Variants in DTL observed in about 807,000 individuals in gnomAD.
The protein encoded by DTL is denticleless E3 ubiquitin protein ligase adapter, also known as denticleless protein homolog.
A neutral mutation model predicts 87.0 loss-of-function variants in DTL; 46 were observed. The observed-to-expected ratio is 0.53, with a 90% confidence interval of 0.42 to 0.68. The LOEUF is 0.68. DTL is among the 30% of genes least tolerant of loss of function. The probability of loss-of-function intolerance (pLI) is 0.00; values close to 1 mark genes in which losing one functional copy is unlikely to be tolerated. For synonymous variants in DTL, 308 were observed against 311.2 expected, an observed-to-expected ratio of 0.99 and a Z score of 0.11; for missense variants, 737 against 869.4, an observed-to-expected ratio of 0.85 and a Z score of 1.91.
At chr1:212,047,815 C>T (rs183104899) in intron 5 of DTL, among the ~76,000 whole-genome samples, 17 of 152,312 alleles carry the variant, frequency 1.1e-4, no homozygotes, top group Admixed American at 2.6e-4. Context: ...GGATCACAGG[C>T]GTGAGCCGCT....
At chr1:212,037,289 AAT>A (rs1437954238) in intron 1 of DTL, among the ~76,000 whole-genome samples, 2 of 152,192 alleles carry the variant, frequency 1.3e-5, no homozygotes, top group African/African-American at 2.4e-5. Flanking sequence ...GTTGTTACAT[AAT>A]AGTCACTGAA....
chr1:212,059,469 C>T (rs944403166), intron 5 of DTL, among the ~76,000 whole-genome samples: 9 of 151,372 alleles, frequency 5.9e-5, no homozygotes, highest in African/African-American at 2.2e-4. Flanking sequence ...TAAAATTCAG[C>T]ATCTCCTCCG....
chr1:212,038,979 T>C (rs1417470347), intron 1 of DTL, among the ~76,000 whole-genome samples: 3 of 152,200 alleles, frequency 2.0e-5, no homozygotes, highest in Non-Finnish European at 4.4e-5. Flanking sequence ...CTGCTGGACA[T>C]TCCATATAGC....
At chr1:212,056,466 A>G (rs1207236109) in intron 5 of DTL, among the ~76,000 whole-genome samples, 1 of 152,232 alleles carries the variant, frequency 6.6e-6, no homozygotes, top group Admixed American at 6.5e-5. Context: ...CTCTCCAACC[A>G]TCACCATAGA....
At position 212,065,032 on chromosome 1, in the gene DTL, A is replaced by G; in HGVS notation, c.639+3A>G. On this transcript the variant is annotated splice_donor_region_variant and intron_variant, in intron 7 of 14. Coordinates refer to ENST00000366991, the MANE Select transcript of DTL (RefSeq NM_016448.4). The stretch of plus-strand genomic sequence containing the variant: ...CAAAAGGACTTGCTCCTTCTGTGGT[A>G]AGGTTTTACAGATGTATACATGTGT... The G allele has an allele frequency of 6.2e-7, 1 of 1,600,052 alleles. No homozygotes were observed. Among genetic ancestry groups the G allele is most frequent in the Non-Finnish European group, 8.6e-7 (1 of 1,167,298 alleles).
chr1:212,096,132 C>T (rs190397149), intron 13 of DTL, among the ~76,000 whole-genome samples: 3 of 152,202 alleles, frequency 2.0e-5, no homozygotes, highest in East Asian at 3.9e-4. Context: ...TCCATCTCCT[C>T]TAGGTTTTCT....
In DTL at chr1:212,103,057, T is replaced by C; in HGVS notation, c.*117T>C. 1 of 552,066 alleles carries C rather than the reference T, an allele frequency of 1.8e-6. No homozygotes were observed. The allele number at this position is 552,066 out of a possible 1,614,324, so 34.2% of individuals were successfully genotyped here. On this transcript the variant is annotated 3_prime_UTR_variant, in exon 15 of 15. Transcript: ENST00000366991. ...CTATAACTCTGGTCTTTAAGAAAGC[T>C]GCCTTTTCATTTTTAGACAAAATCT... is the stretch of plus-strand genomic sequence containing the variant.
chr1:212,084,619 A>C (rs1040047247), intron 13 of DTL, among the ~76,000 whole-genome samples: 1 of 152,130 alleles, frequency 6.6e-6, no homozygotes, highest in Admixed American at 6.5e-5. Flanking sequence ...ACCTCTTTCA[A>C]ATCCTTTTGC....
rs199630708 is a variant in DTL at position 212,035,959 on chromosome 1, A to G, written c.52+17A>G. 693 of 1,613,506 alleles carry G rather than the reference A, an allele frequency of 4.3e-4. 3 individuals carry two copies. The highest frequency in any genetic ancestry group is 2.1e-3 in the African/African-American group (159 of 74,996). On this transcript the variant is annotated intron_variant, in intron 1 of 14. Transcript: ENST00000366991. The stretch of plus-strand genomic sequence containing the variant: ...TGAGAAATGGTGAGTAACGGTCCCA[A>G]CCGCTGCTCGGAGCTGGCGGAATTC...
intron 5 of DTL, among the ~76,000 whole-genome samples, chr1:212,055,333 A>G (rs190755204): frequency 6.6e-6 from 1 of 152,226 alleles, no homozygotes. Flanking sequence ...GGACCCTGAG[A>G]CTAACATAGG....
chr1:212,042,671 T>C (rs1667689841), intron 1 of DTL, among the ~76,000 whole-genome samples: 1 of 152,208 alleles, frequency 6.6e-6, no homozygotes, highest in Non-Finnish European at 1.5e-5. Context: ...TGTGGTTGTC[T>C]CTTTGGTAGG....
At position 212,078,167 on chromosome 1, in the gene DTL, G is replaced by A. The variant is rs748735371; in HGVS notation, c.1036-6G>A. On this transcript the variant is annotated splice_polypyrimidine_tract_variant and splice_region_variant and intron_variant, in intron 11 of 14. Transcript: ENST00000366991. Reference sequence around the variant, plus strand: ...TTGCTGACTTGTTTGTTTTTGATTGGACTAGGTCTCCACACCCTGGCAACC... The same window carrying A: ...TTGCTGACTTGTTTGTTTTTGATTGAACTAGGTCTCCACACCCTGGCAACC... 2 of 1,576,258 alleles carry A rather than the reference G, an allele frequency of 1.3e-6. No homozygotes were observed. Among genetic ancestry groups the A allele is most frequent in the South Asian group, 1.1e-5 (1 of 90,194 alleles).
intron 5 of DTL, among the ~76,000 whole-genome samples, chr1:212,056,220 C>T (rs755268403): frequency 2.0e-5 from 3 of 152,184 alleles, no homozygotes; most frequent in Non-Finnish European, 4.4e-5. Flanking sequence ...CCATTAACAC[C>T]AGTGCCAGCG....
At chr1:212,077,701 T>C (rs1654871273) in intron 11 of DTL, 1 of 153,830 alleles carries the variant, frequency 6.5e-6, no homozygotes, top group Admixed American at 6.5e-5. Context: ...GTTTCAGAAA[T>C]CTTCAGGTTT....
At position 212,072,088 on chromosome 1, in the gene DTL, T is replaced by C. The variant is rs1395296489; in HGVS notation, c.923-13T>C. ...AACAAGAGCCAAGTAATTTGGTTTTTTTCCTCTGGCAGTGGCTATTTTCAA... is the reference window on the plus strand; with the variant it reads ...AACAAGAGCCAAGTAATTTGGTTTTCTTCCTCTGGCAGTGGCTATTTTCAA... On this transcript the variant is annotated splice_polypyrimidine_tract_variant and intron_variant, in intron 10 of 14. Transcript: ENST00000366991. 6.2e-7 allele frequency: 1 copy of C among 1,609,910 alleles called. No homozygotes were observed. The highest frequency in any genetic ancestry group is 1.1e-5 in the South Asian group (1 of 90,926).
intron 2 of DTL, among the ~76,000 whole-genome samples, chr1:212,043,423 C>G (rs145841180): frequency 2.4e-4 from 36 of 152,164 alleles, no homozygotes; most frequent in African/African-American, 8.4e-4. Flanking sequence ...AGATACATAC[C>G]CTTTGATCTG....
chr1:212,065,937 C>T (rs1654484173), intron 7 of DTL, among the ~76,000 whole-genome samples: 1 of 152,102 alleles, frequency 6.6e-6, no homozygotes, highest in Non-Finnish European at 1.5e-5. Flanking sequence ...AATCTCCTGA[C>T]CTCGTGAGCC....
rs780589341 is a variant in DTL, at chr1:212,101,061, A to G, written c.2071A>G (p.Ser691Gly). ...CCAGACACCCAATTCCAGGAGACAG[A>G]GCGGAAAGAAATTGCCAAGCCCGGT... ...SSQTPNSRRQ[S>G]GKKLPSPVTI... The change falls in exon 14 of 15, where the codon AGC (serine) becomes GGC (glycine). Residue 691 changes from serine (S) to glycine (G), a missense_variant. Physicochemically the swap from Ser to Gly is moderately conservative, Grantham distance 56 (BLOSUM62 0). Coordinates refer to ENST00000366991, the MANE Select transcript of DTL (RefSeq NM_016448.4). 10 of 1,610,476 alleles carry G rather than the reference A, an allele frequency of 6.2e-6. No individual in the cohort carries two copies. The South Asian group carries it at 1.0e-4, about 16-fold the overall frequency.
At chr1:212,088,111 T>C (rs59691366) in intron 13 of DTL, among the ~76,000 whole-genome samples, 12 of 152,320 alleles carry the variant, frequency 7.9e-5, no homozygotes, top group East Asian at 5.8e-4. Flanking sequence ...TCAATGGGAC[T>C]GGACCTGTAT....
Sources: gnomAD v4.1 joint callset for allele counts (sites outside exome capture counted in the v4.1 genomes callset) on GRCh38, gnomAD v4.1.1 for gene constraint, MANE v1.5 for transcripts, NCBI Gene and HGNC (gene_info 2026-07-23, HGNC 2026-07-21) for gene names.